NCOA3: variants seen among roughly 807,000 people sequenced by gnomAD.
NCOA3 encodes nuclear receptor coactivator 3, also known as CBP-interacting protein.
Under a neutral mutation model 158.8 loss-of-function variants are expected in NCOA3, and 51 were observed. The ratio of observed to expected loss-of-function variants is 0.32; its 90% CI spans 0.26 to 0.41. NCOA3 has a LOEUF of 0.41. NCOA3 is among the 10% of genes least tolerant of loss of function. The pLI, the probability that NCOA3 is intolerant of heterozygous loss-of-function variation, is 1.00. For missense variants in NCOA3, 1,510 were observed against 1,746.6 expected (o/e 0.86, Z 2.41); for synonymous variants, 537 against 592.4 (o/e 0.91, Z 1.36).
chr20:47,653,571 G>T lies in NCOA3; in HGVS notation c.*154G>T. ...TATTTTAAGTGATGTCATTTGAGCA[G>T]GACTGGATTTTAAGCCGAAGGGCAA... On this transcript the variant is annotated 3_prime_UTR_variant, in exon 23 of 23. Coordinates refer to ENST00000371998, the MANE Select transcript of NCOA3 (RefSeq NM_181659.3). The T allele has an allele frequency of 1.1e-6, 1 of 908,518 alleles. No individual in the cohort carries two copies. Among genetic ancestry groups the T allele is most frequent in the African/African-American group, 1.7e-5 (1 of 59,648 alleles). The allele number at this position is 908,518 out of a possible 1,614,324, so 56.3% of individuals were successfully genotyped here. A position where few individuals can be genotyped will look rare whatever the true frequency, so the allele number is the denominator to read the frequency against.
intron 1 of NCOA3, among the ~76,000 whole-genome samples, chr20:47,569,950 C>T (rs1419213389): frequency 1.3e-5 from 2 of 151,468 alleles, no homozygotes; most frequent in African/African-American, 4.8e-5. Context: ...GCAGAGGTTG[C>T]AGTGAGCTGA....
chr20:47,546,809 G>T (rs2084837498), intron 1 of NCOA3, among the ~76,000 whole-genome samples: 1 of 152,078 alleles, frequency 6.6e-6, no homozygotes, highest in Non-Finnish European at 1.5e-5. Context: ...GAGGTTACAG[G>T]CATGAGCCAC....
chr20:47,555,140 A>G (rs1385623401), intron 1 of NCOA3, among the ~76,000 whole-genome samples: 2 of 152,236 alleles, frequency 1.3e-5, no homozygotes, highest in East Asian at 1.9e-4. Context: ...TGAAATTTCA[A>G]TGAATGCAAA....
chr20:47,642,400 A>T lies in NCOA3; in HGVS notation c.3252+16A>T, dbSNP rs937053457. The T allele has an allele frequency of 1.3e-6, 2 of 1,579,154 alleles. No individual in the cohort carries two copies. The highest frequency in any genetic ancestry group is 1.9e-5 in the Admixed American group (1 of 51,716). On this transcript the variant is annotated intron_variant, in intron 17 of 22. Transcript: ENST00000371998. Reference sequence around the variant, plus strand: ...TGTCAATCAGGTAGGTTGCATTAACATGGAAGTAGGAGAGTGTATATTTGT... The same window carrying T: ...TGTCAATCAGGTAGGTTGCATTAACTTGGAAGTAGGAGAGTGTATATTTGT...
chr20:47,602,781 CTAA>C lies in NCOA3; in HGVS notation c.-19-19447_-19-19445del, dbSNP rs566118116. On this transcript the variant is annotated intron_variant, in intron 2 of 22. Transcript: ENST00000371998. Reference sequence around the variant, plus strand: ...CTAGTTTGTGGTGTGAAGGTACCATCTAAACTGTTGGTGTTTCCATACTTAAAT... The same window carrying C: ...CTAGTTTGTGGTGTGAAGGTACCATCACTGTTGGTGTTTCCATACTTAAAT... Among the ~76,000 whole-genome samples the C allele has an allele frequency of 2.2e-3, 332 of 152,286 alleles. 1 individual carries two copies. Among genetic ancestry groups the C allele is most frequent in the African/African-American group, 7.6e-3 (314 of 41,558 alleles).
At position 47,656,790 on chromosome 20, in the gene NCOA3, A is replaced by T. The variant is rs2086886075; in HGVS notation, c.*3373A>T. The T allele has an allele frequency of 6.6e-6, 1 of 152,436 alleles. No individual in the cohort carries two copies. Among genetic ancestry groups the T allele is most frequent in the African/African-American group, 2.4e-5 (1 of 41,416 alleles). 9.4% of individuals were successfully genotyped at this position (152,436 alleles called of 1,614,324 possible). Reference sequence around the variant, plus strand: ...TCTTGCAAAGAATTGAAACCACATGAAATGACTTATGGGGGATGGTGAGCT... The same window carrying T: ...TCTTGCAAAGAATTGAAACCACATGTAATGACTTATGGGGGATGGTGAGCT... On this transcript the variant is annotated 3_prime_UTR_variant, in exon 23 of 23. Coordinates refer to ENST00000371998, the MANE Select transcript of NCOA3 (RefSeq NM_181659.3).
At chr20:47,505,991 G>A (rs1353468108) in intron 1 of NCOA3, among the ~76,000 whole-genome samples, 1 of 151,974 alleles carries the variant, frequency 6.6e-6, no homozygotes, top group Non-Finnish European at 1.5e-5. Context: ...TTTTAGTAGA[G>A]ATGGGGTTTC....
At chr20:47,573,373 C>G (rs980068967) in intron 1 of NCOA3, among the ~76,000 whole-genome samples, 7 of 148,588 alleles carry the variant, frequency 4.7e-5, no homozygotes, top group Non-Finnish European at 8.9e-5. Context: ...GCATTCCAGC[C>G]TGGGTGACAG....
intron 1 of NCOA3, among the ~76,000 whole-genome samples, chr20:47,571,568 A>C (rs1277427891): frequency 6.6e-6 from 1 of 150,544 alleles, no homozygotes; most frequent in African/African-American, 2.4e-5. Flanking sequence ...TCCACCTGCC[A>C]GCAGTAATAT....
chr20:47,612,511 T>G (rs554366316), intron 2 of NCOA3, among the ~76,000 whole-genome samples: 1 of 151,726 alleles, frequency 6.6e-6, no homozygotes, highest in African/African-American at 2.4e-5. Flanking sequence ...TGGGAAAGAT[T>G]AAAAAAAAAT....
intron 1 of NCOA3, among the ~76,000 whole-genome samples, chr20:47,517,859 C>A (rs1057430455): frequency 2.6e-5 from 4 of 152,120 alleles, no homozygotes; most frequent in African/African-American, 9.7e-5. Flanking sequence ...TGAATAAAAA[C>A]ATTTAAATGA....
chr20:47,535,556 G>A (rs1370998082), intron 1 of NCOA3, among the ~76,000 whole-genome samples: 2 of 151,396 alleles, frequency 1.3e-5, no homozygotes, highest in Non-Finnish European at 2.9e-5. Flanking sequence ...TTGCCAGGCT[G>A]GGGTGCAGTG....
chr20:47,640,174 C>G, intron 16 of NCOA3, 123 bp downstream of exon 16: 2 of 1,322,370 alleles, frequency 1.5e-6, no homozygotes, highest in Non-Finnish European at 2.1e-6. Context: ...ACTGGGTTGC[C>G]AGCTGGGCAT....
At position 47,655,001 on chromosome 20, in the gene NCOA3, G is replaced by C. The variant is rs537428355; in HGVS notation, c.*1584G>C. 6.6e-6 allele frequency: 1 copy of C among 152,220 alleles called. No homozygotes were observed. The highest frequency in any genetic ancestry group is 1.5e-5 in the Non-Finnish European group (1 of 68,014). 9.4% of individuals were successfully genotyped at this position (152,220 alleles called of 1,614,324 possible). On this transcript the variant is annotated 3_prime_UTR_variant, in exon 23 of 23. Coordinates refer to ENST00000371998, the MANE Select transcript of NCOA3 (RefSeq NM_181659.3). ...ATCCTTGGTGTGGTTTCTGGTGTCTGCTCAGCTGTCCCCTCATTCTACTAA... is the reference window on the plus strand; with the variant it reads ...ATCCTTGGTGTGGTTTCTGGTGTCTCCTCAGCTGTCCCCTCATTCTACTAA...
At chr20:47,607,471 C>T (rs1282953214) in intron 2 of NCOA3, among the ~76,000 whole-genome samples, 2 of 152,132 alleles carry the variant, frequency 1.3e-5, no homozygotes, top group African/African-American at 2.4e-5. Flanking sequence ...ACTATTGCTC[C>T]CTAGCCCCTG....
intron 2 of NCOA3, among the ~76,000 whole-genome samples, chr20:47,611,087 T>C (rs1482050773): frequency 6.6e-6 from 1 of 152,206 alleles, no homozygotes; most frequent in Non-Finnish European, 1.5e-5. Flanking sequence ...AGGTGGCTAA[T>C]GTTGTCATCT....
intron 2 of NCOA3, among the ~76,000 whole-genome samples, chr20:47,618,943 A>G (rs1004346543): frequency 2.6e-5 from 4 of 152,186 alleles, no homozygotes; most frequent in African/African-American, 9.6e-5. Flanking sequence ...GATTTAATTT[A>G]TGCTGTCAGA....
intron 1 of NCOA3, among the ~76,000 whole-genome samples, chr20:47,534,432 C>T (rs927775908): frequency 8.5e-5 from 13 of 152,134 alleles, no homozygotes; most frequent in African/African-American, 3.1e-4. Context: ...GTCTCCCTAA[C>T]TGGGTTGTGA....
chr20:47,580,426 T>A (rs188517007), intron 1 of NCOA3, among the ~76,000 whole-genome samples: 183 of 151,872 alleles, frequency 1.2e-3, no homozygotes, highest in Non-Finnish European at 2.3e-3. Context: ...CATGGTGGCA[T>A]GCACCTGTAA....
Sources: gnomAD v4.1 joint callset for allele counts (sites outside exome capture counted in the v4.1 genomes callset) on GRCh38, gnomAD v4.1.1 for gene constraint, MANE v1.5 for transcripts, NCBI Gene and HGNC (gene_info 2026-07-23, HGNC 2026-07-21) for gene names.